The following ASB4 variants were observed in gnomAD, a reference collection of about 807,000 sequenced individuals.
ASB4 encodes ankyrin repeat and SOCS box containing 4, also known as ankyrin repeat and SOCS box protein 4.
In ASB4, 35 loss-of-function variants were observed where a neutral mutation model predicts 38.6. The observed-to-expected ratio is 0.91, with a 90% confidence interval of 0.69 to 1.20. The LOEUF is 1.20. Ranked by LOEUF, ASB4 falls within the 50% of genes most tolerant of loss-of-function variation. ASB4 has a pLI of 0.00. For missense variants in ASB4, 557 were observed against 527.2 expected (o/e 1.06, Z -0.55); for synonymous variants, 195 against 201.3 (o/e 0.97, Z 0.26).
intron 2 of ASB4, among the ~76,000 whole-genome samples, chr7:95,511,062 G>A (rs1324904331): frequency 6.6e-6 from 1 of 152,118 alleles, no homozygotes; most frequent in Admixed American, 6.6e-5. Flanking sequence ...AACAATTTTA[G>A]AAGGTTTTTC....
At chr7:95,510,787 A>C (rs1264198753) in intron 2 of ASB4, among the ~76,000 whole-genome samples, 4 of 152,172 alleles carry the variant, frequency 2.6e-5, no homozygotes, top group Non-Finnish European at 5.9e-5. Context: ...TTCTGTTTTG[A>C]GTTTTCAGTC....
chr7:95,505,724 TATG>T (rs1257659912), intron 2 of ASB4, among the ~76,000 whole-genome samples: 1 of 138,978 alleles, frequency 7.2e-6, no homozygotes, highest in Admixed American at 7.2e-5. Flanking sequence ...CCCTGTCCCT[TATG>T]ATGTTATATT....
rs1458434601 is a variant in ASB4 at position 95,493,374 on chromosome 7, GTGTGTGTGTGTGTGTGTA to G, written c.188-2368_188-2351del. Among the ~76,000 whole-genome samples the G allele has an allele frequency of 8.1e-4, 92 of 114,262 alleles. No individual in the cohort carries two copies. In the East Asian group the frequency reaches 0.022, roughly 27 times the overall value. 75.0% of individuals were successfully genotyped at this position (114,262 alleles called of 152,430 possible). A position where few individuals can be genotyped will look rare whatever the true frequency, so the allele number is the denominator to read the frequency against. On this transcript the variant is annotated intron_variant, in intron 1 of 4. Transcript: ENST00000325885. Reference sequence around the variant, plus strand: ...AAAAGAGATGAAAGTGTGTGTGTGTGTGTGTGTGTGTGTGTGTATGTGTGTGTGTGTGTATAGCTAGGT... The same window carrying G: ...AAAAGAGATGAAAGTGTGTGTGTGTGTGTGTGTGTGTGTGTATAGCTAGGT...
At chr7:95,548,996 A>G in the ASB4 span, among the ~76,000 whole-genome samples, 1 of 152,196 alleles carries the variant, frequency 6.6e-6, no homozygotes, top group African/African-American at 2.4e-5. Context: ...TTCAAACTCA[A>G]TCACTTGCAT....
chr7:95,533,049 C>G (rs746873159), intron 3 of ASB4, among the ~76,000 whole-genome samples: 4 of 152,212 alleles, frequency 2.6e-5, no homozygotes, highest in African/African-American at 4.8e-5. Flanking sequence ...AACCTTCTCA[C>G]TTCACTTAAC....
At chr7:95,525,039 T>G (rs561880816) in intron 2 of ASB4, among the ~76,000 whole-genome samples, 3 of 152,286 alleles carry the variant, frequency 2.0e-5, no homozygotes, top group African/African-American at 7.2e-5. Flanking sequence ...CCTGGTCATG[T>G]GACAAGAACC....
chr7:95,491,900 C>T (rs11764055), intron 1 of ASB4, among the ~76,000 whole-genome samples: 31,946 of 152,172 alleles, frequency 0.21, 3,592 homozygotes, highest in Middle Eastern at 0.33. Flanking sequence ...AGCAGACTTT[C>T]CTGATATGCT....
chr7:95,493,408 A>G (rs972013570), intron 1 of ASB4, among the ~76,000 whole-genome samples: 1 of 148,122 alleles, frequency 6.8e-6, no homozygotes, highest in South Asian at 2.1e-4. Context: ...GTGTGTGTGT[A>G]TAGCTAGGTT....
At chr7:95,542,875 A>C (rs1368791793), downstream of ASB4, 1 of 152,250 alleles carries the variant, frequency 6.6e-6, no homozygotes, top group Non-Finnish European at 1.5e-5. Flanking sequence ...GAATCCAGTT[A>C]TGGAAATAAA....
At chr7:95,486,630 G>A (rs939159591) in intron 1 of ASB4, among the ~76,000 whole-genome samples, 56 of 152,214 alleles carry the variant, frequency 3.7e-4, no homozygotes, top group African/African-American at 1.3e-3. Flanking sequence ...AACATTTGGA[G>A]GGTTAATAAA....
the ASB4 span, among the ~76,000 whole-genome samples, chr7:95,470,822 TCCC>T: frequency 1.3e-5 from 2 of 152,126 alleles, no homozygotes; most frequent in African/African-American, 4.8e-5. Context: ...TTTTCTTTTT[TCCC>T]CCCATTAGGA....
In ASB4 at chr7:95,539,553, T is replaced by A. The variant is rs527916760; in HGVS notation, c.*1794T>A. 1 of 155,090 alleles carries A rather than the reference T, an allele frequency of 6.4e-6. No homozygotes were observed. The highest frequency in any genetic ancestry group is 1.9e-4 in the East Asian group (1 of 5,330). The allele number at this position is 155,090 out of a possible 1,614,324, so 9.6% of individuals were successfully genotyped here. On this transcript the variant is annotated 3_prime_UTR_variant, in exon 5 of 5. Transcript: ENST00000325885. ...CAGCAAGTGGTATTAGAACACATCC[T>A]AAAACAGAATGAAATGATGTCTTTT...
chr7:95,489,805 G>A (rs571493705), intron 1 of ASB4, among the ~76,000 whole-genome samples: 87 of 152,336 alleles, frequency 5.7e-4, no homozygotes, highest in Non-Finnish European at 1.1e-3. Flanking sequence ...CAACCACTGA[G>A]TATTTAGAGT....
At chr7:95,535,448 A>C (rs1790877896) in intron 3 of ASB4, among the ~76,000 whole-genome samples, 1 of 152,192 alleles carries the variant, frequency 6.6e-6, no homozygotes, top group Non-Finnish European at 1.5e-5. Flanking sequence ...TTTCATGGGA[A>C]AAATGGAACT....
At chr7:95,485,237 C>T (rs1429640830), upstream of ASB4, among the ~76,000 whole-genome samples, 2 of 152,006 alleles carry the variant, frequency 1.3e-5, no homozygotes, top group Non-Finnish European at 2.9e-5. Flanking sequence ...AATATCTAGT[C>T]CACATTTATA....
downstream of ASB4, among the ~76,000 whole-genome samples, chr7:95,541,949 C>T (rs183697184): frequency 1.2e-3 from 180 of 152,204 alleles, no homozygotes; most frequent in Non-Finnish European, 8.8e-4. Flanking sequence ...TGCCTGTAGT[C>T]CCAGCTCCTC....
intron 1 of ASB4, 63 bp from the exon 2 acceptor site, chr7:95,495,695 A>G (rs2116589331): frequency 6.7e-7 from 1 of 1,484,946 alleles, no homozygotes; most frequent in South Asian, 1.3e-5. Flanking sequence ...ATCCTCACAA[A>G]ACAGGGAGAA....
chr7:95,474,583 G>A (rs905851005), upstream of ASB4, among the ~76,000 whole-genome samples: 2 of 152,068 alleles, frequency 1.3e-5, no homozygotes, highest in Non-Finnish European at 2.9e-5. Flanking sequence ...GTGCAGTGGT[G>A]CAATCACGGC....
At chr7:95,526,055 T>G (rs921070756) in intron 2 of ASB4, among the ~76,000 whole-genome samples, 1 of 152,174 alleles carries the variant, frequency 6.6e-6, no homozygotes, top group Admixed American at 6.5e-5. Flanking sequence ...CAAAATGCAA[T>G]GTTATCTTTC....
Sources: allele counts gnomAD v4.1 joint callset (sites outside exome capture counted in the v4.1 genomes callset), GRCh38; gene constraint gnomAD v4.1.1; transcripts MANE v1.5; gene names NCBI Gene and HGNC (gene_info 2026-07-23, HGNC 2026-07-21).